The following SORCS2 variants were observed in gnomAD, a reference collection of about 807,000 sequenced individuals.
SORCS2 encodes the protein VPS10 domain-containing receptor SorCS2.
SORCS2 carries 100 observed loss-of-function variants against 141.6 expected under a neutral mutation model. The observed-to-expected ratio is 0.71, with a 90% CI of 0.60 to 0.83. The LOEUF is 0.83. Among genes scored for constraint, SORCS2 ranks in the 40% least tolerant of loss-of-function variants. The probability of loss-of-function intolerance (pLI) is 0.00; values close to 1 mark genes in which losing one functional copy is unlikely to be tolerated. For synonymous variants in SORCS2, 789 were observed against 676.9 expected, an observed-to-expected ratio of 1.17 and a Z score of -2.57; for missense variants, 1,646 against 1,560.2, an observed-to-expected ratio of 1.05 and a Z score of -0.93.
intron 2 of SORCS2, among the ~76,000 whole-genome samples, chr4:7,438,017 C>T (rs758884873): frequency 2.0e-5 from 3 of 152,234 alleles, no homozygotes; most frequent in Non-Finnish European, 2.9e-5. Flanking sequence ...CCAGGACATT[C>T]TCTCATAACC....
intron 26 of SORCS2, among the ~76,000 whole-genome samples, chr4:7,739,298 G>A (rs1476589943): frequency 6.6e-6 from 1 of 152,098 alleles, no homozygotes; most frequent in African/African-American, 2.4e-5. Context: ...GGCAGGAGGT[G>A]GTTTTGGGGC....
chr4:7,381,782 C>T (rs751488926), intron 1 of SORCS2: 7 of 307,774 alleles, frequency 2.3e-5, no homozygotes, highest in Admixed American at 6.5e-5. Flanking sequence ...AGTGCACAAA[C>T]CCTGGACTGC....
rs182877719 is a variant in SORCS2 at position 7,347,382 on chromosome 4, C to T, written c.481-48906C>T. ...ATGGGCCACGCCTCGTGCCGGATGT[C>T]AAGGACATATCAGTGAATAAGAATA... On this transcript the variant is annotated intron_variant, in intron 1 of 26. Coordinates refer to ENST00000507866, the MANE Select transcript of SORCS2 (RefSeq NM_020777.3). Among the ~76,000 whole-genome samples, 40 of 152,344 alleles carry T rather than the reference C, an allele frequency of 2.6e-4. No individual in the cohort carries two copies. In the East Asian group the frequency reaches 6.6e-3, roughly 25 times the overall value.
At chr4:7,733,951 C>T (rs571996872) in intron 24 of SORCS2, among the ~76,000 whole-genome samples, 7 of 152,232 alleles carry the variant, frequency 4.6e-5, no homozygotes, top group Admixed American at 3.3e-4. Flanking sequence ...TCAGGAGCGC[C>T]GGCCACGGGC....
At chr4:7,212,976 C>G (rs1050038493) in intron 1 of SORCS2, among the ~76,000 whole-genome samples, 1 of 152,252 alleles carries the variant, frequency 6.6e-6, no homozygotes, top group Admixed American at 6.5e-5. Flanking sequence ...GGAAAATACC[C>G]TTCCCACCTT....
intron 1 of SORCS2, among the ~76,000 whole-genome samples, chr4:7,251,798 C>T (rs1713522101): frequency 6.6e-6 from 1 of 152,148 alleles, no homozygotes; most frequent in East Asian, 1.9e-4. Context: ...TTGTTGGTCG[C>T]AGCTGGATCA....
At chr4:7,331,182 C>T (rs1719634220) in intron 1 of SORCS2, among the ~76,000 whole-genome samples, 1 of 152,146 alleles carries the variant, frequency 6.6e-6, no homozygotes, top group Non-Finnish European at 1.5e-5. Context: ...GGGGCTTCAC[C>T]CCCATAGAGG....
intron 1 of SORCS2, among the ~76,000 whole-genome samples, chr4:7,362,040 G>A (rs1721613830): frequency 6.6e-6 from 1 of 152,190 alleles, no homozygotes; most frequent in African/African-American, 2.4e-5. Flanking sequence ...GCAAACTTGG[G>A]TCCAGGAAGC....
intron 2 of SORCS2, among the ~76,000 whole-genome samples, chr4:7,402,049 C>G (rs971730698): frequency 2.0e-5 from 3 of 152,126 alleles, no homozygotes; most frequent in South Asian, 4.1e-4. Context: ...AATTTGGGGT[C>G]GCATGATTAG....
chr4:7,395,741 T>C (rs74385297), intron 1 of SORCS2, among the ~76,000 whole-genome samples: 7,483 of 152,286 alleles, frequency 0.049, 190 homozygotes, highest in East Asian at 0.083. Context: ...AGAGGACTCC[T>C]GGGCCCCCAA....
At chr4:7,524,218 G>T (rs1335233986) in intron 2 of SORCS2, among the ~76,000 whole-genome samples, 1 of 152,324 alleles carries the variant, frequency 6.6e-6, no homozygotes, top group African/African-American at 2.4e-5. Context: ...CCTGGCTTTA[G>T]GGTGGGCACT....
chr4:7,682,939 T>C, intron 10 of SORCS2, 50 bp downstream of exon 10: 11 of 1,582,730 alleles, frequency 7.0e-6, no homozygotes, highest in Non-Finnish European at 9.4e-6. Flanking sequence ...GGATGCTAGA[T>C]ATAACTTCAG....
At chr4:7,417,344 CA>C (rs1418056729) in intron 2 of SORCS2, among the ~76,000 whole-genome samples, 1 of 152,124 alleles carries the variant, frequency 6.6e-6, no homozygotes, top group Admixed American at 6.5e-5. Context: ...TTCCTGTCCA[CA>C]AAATGGGAGC....
At chr4:7,215,170 C>T (rs759076332) in intron 1 of SORCS2, among the ~76,000 whole-genome samples, 19 of 152,202 alleles carry the variant, frequency 1.2e-4, no homozygotes, top group Non-Finnish European at 2.2e-4. Context: ...GCGGCGCTTG[C>T]GGGCCAGCTG....
chr4:7,433,806 C>T (rs1727070026), intron 2 of SORCS2: 3 of 1,613,758 alleles, frequency 1.9e-6, no homozygotes, highest in Non-Finnish European at 2.5e-6. Flanking sequence ...ACTTGCACAC[C>T]TTCTCTGGGG....
At chr4:7,435,192 C>G (rs900112011) in intron 2 of SORCS2, among the ~76,000 whole-genome samples, 13 of 152,172 alleles carry the variant, frequency 8.5e-5, no homozygotes, top group African/African-American at 2.9e-4. Flanking sequence ...GTCCCCCACC[C>G]TCCCCCTGCT....
At chr4:7,229,710 G>A (rs1711676936) in intron 1 of SORCS2, among the ~76,000 whole-genome samples, 1 of 152,262 alleles carries the variant, frequency 6.6e-6, no homozygotes, top group African/African-American at 2.4e-5. Flanking sequence ...AGATCTGCAT[G>A]GTGTTCCGTG....
intron 3 of SORCS2, among the ~76,000 whole-genome samples, chr4:7,616,984 G>A (rs928461670): frequency 6.6e-6 from 1 of 152,228 alleles, no homozygotes; most frequent in Non-Finnish European, 1.5e-5. Context: ...CAGGGCTCCA[G>A]CAGGTGGACA....
intron 1 of SORCS2, among the ~76,000 whole-genome samples, chr4:7,282,974 CTCATTCAT>C (rs747220122): frequency 3.9e-5 from 6 of 152,226 alleles, no homozygotes; most frequent in Non-Finnish European, 7.3e-5. Flanking sequence ...CATTCATTCA[CTCATTCAT>C]TCATTCATTC....
Sources: gnomAD v4.1 joint callset for allele counts (sites outside exome capture counted in the v4.1 genomes callset) on GRCh38, gnomAD v4.1.1 for gene constraint, MANE v1.5 for transcripts, NCBI Gene and HGNC (gene_info 2026-07-23, HGNC 2026-07-21) for gene names.